The following CDH4 variants were observed in gnomAD, a reference collection of about 807,000 sequenced individuals.
CDH4 encodes the protein cadherin-4.
A neutral mutation model predicts 86.0 loss-of-function variants in CDH4; 33 were observed. That is an observed-to-expected ratio of 0.38 (90% CI 0.29 to 0.51). The LOEUF is 0.51. Among genes scored for constraint, CDH4 ranks in the 20% least tolerant of loss-of-function variants. The probability of loss-of-function intolerance (pLI) is 0.86; values close to 1 mark genes in which losing one functional copy is unlikely to be tolerated. For synonymous variants in CDH4, 555 were observed against 549.4 expected (o/e 1.01, Z -0.14); for missense variants, 1,114 against 1,307.4 (o/e 0.85, Z 2.28).
chr20:61,430,010 CAG>C (rs930569200), intron 2 of CDH4, among the ~76,000 whole-genome samples: 6 of 152,224 alleles, frequency 3.9e-5, no homozygotes, highest in Non-Finnish European at 8.8e-5. Flanking sequence ...GCCCTTAAAA[CAG>C]ATTCCTTGGC....
intron 8 of CDH4, among the ~76,000 whole-genome samples, chr20:61,909,559 T>C (rs1474739033): frequency 6.6e-6 from 1 of 152,192 alleles, no homozygotes; most frequent in African/African-American, 2.4e-5. Flanking sequence ...TTCCTGCCTC[T>C]TCCGGGTTCT....
intron 4 of CDH4, among the ~76,000 whole-genome samples, chr20:61,843,458 A>AAAAT (rs1982272846): frequency 7.2e-6 from 1 of 138,234 alleles, no homozygotes; most frequent in East Asian, 2.0e-4. Flanking sequence ...CTCCGTCTCA[A>AAAAT]AAAAAAAAAA....
intron 8 of CDH4, among the ~76,000 whole-genome samples, chr20:61,895,829 G>T (rs1009540357): frequency 6.6e-6 from 1 of 152,204 alleles, no homozygotes; most frequent in Non-Finnish European, 1.5e-5. Flanking sequence ...GGGTCCATGG[G>T]GTGTGACACG....
intron 2 of CDH4, among the ~76,000 whole-genome samples, chr20:61,293,988 G>A (rs1469239255): frequency 2.0e-5 from 3 of 152,104 alleles, no homozygotes; most frequent in African/African-American, 7.2e-5. Flanking sequence ...CTTTGTGGTC[G>A]TTTCCTTCTG....
At chr20:61,403,396 G>A (rs181951482) in intron 2 of CDH4, among the ~76,000 whole-genome samples, 50 of 152,218 alleles carry the variant, frequency 3.3e-4, no homozygotes, top group Admixed American at 7.2e-4. Flanking sequence ...CTGAGTTTGG[G>A]GGCAGCGGTG....
chr20:61,322,481 A>T (rs558122028), intron 2 of CDH4, among the ~76,000 whole-genome samples: 2 of 152,228 alleles, frequency 1.3e-5, no homozygotes, highest in South Asian at 2.1e-4. Flanking sequence ...AGAAGTCAAG[A>T]TTCTCTGTCT....
At chr20:61,769,618 C>T (rs1600968689) in intron 3 of CDH4, among the ~76,000 whole-genome samples, 2 of 152,186 alleles carry the variant, frequency 1.3e-5, no homozygotes, top group Non-Finnish European at 2.9e-5. Flanking sequence ...CTCTGCTGAA[C>T]GGGCTGCATG....
chr20:61,729,688 A>G (rs2088155575), intron 2 of CDH4, among the ~76,000 whole-genome samples: 1 of 152,198 alleles, frequency 6.6e-6, no homozygotes, highest in Admixed American at 6.5e-5. Context: ...GCCACACCGG[A>G]GAGTGTAAGG....
rs549591196 is a variant in CDH4 at position 61,379,157 on chromosome 20, A to T, written c.169+124220A>T. Among the ~76,000 whole-genome samples the T allele has an allele frequency of 2.5e-3, 387 of 152,230 alleles. 3 individuals carry two copies. Among genetic ancestry groups the T allele is most frequent in the Non-Finnish European group, 4.4e-3 (297 of 68,022 alleles). On this transcript the variant is annotated intron_variant, in intron 2 of 15. Coordinates refer to ENST00000614565, the MANE Select transcript of CDH4 (RefSeq NM_001794.5). ...GCCTGCCTGACAAGTGGTAAGTGTA[A>T]TTCCTCTTAACAGACTAACACCAGG...
chr20:61,825,407 T>C (rs1601027137), intron 4 of CDH4, among the ~76,000 whole-genome samples: 1 of 152,074 alleles, frequency 6.6e-6, no homozygotes, highest in East Asian at 1.9e-4. Context: ...GTCTCAAAAA[T>C]AAACAAAAAC....
At chr20:61,615,528 G>A (rs2086718349) in intron 2 of CDH4, among the ~76,000 whole-genome samples, 1 of 152,190 alleles carries the variant, frequency 6.6e-6, no homozygotes, top group African/African-American at 2.4e-5. Context: ...CAAGTTTCCA[G>A]CATTAATATT....
At chr20:61,342,291 G>A (rs2084653093) in intron 2 of CDH4, among the ~76,000 whole-genome samples, 1 of 152,124 alleles carries the variant, frequency 6.6e-6, no homozygotes, top group Non-Finnish European at 1.5e-5. Context: ...TCTTATTATT[G>A]CATTGTGATA....
intron 2 of CDH4, among the ~76,000 whole-genome samples, chr20:61,598,590 C>T (rs1285233767): frequency 6.6e-6 from 1 of 152,188 alleles, no homozygotes; most frequent in Non-Finnish European, 1.5e-5. Context: ...TACCCCTTTC[C>T]AGAATCGCGT....
At chr20:61,626,220 C>T (rs1028155353) in intron 2 of CDH4, among the ~76,000 whole-genome samples, 13 of 152,240 alleles carry the variant, frequency 8.5e-5, no homozygotes, top group African/African-American at 2.4e-4. Flanking sequence ...GGTCAGGGAA[C>T]GGCGGAGCAG....
chr20:61,864,008 T>C (rs1355233330), intron 6 of CDH4, among the ~76,000 whole-genome samples: 1 of 152,238 alleles, frequency 6.6e-6, no homozygotes, highest in African/African-American at 2.4e-5. Context: ...AATGTGACCT[T>C]ATTCAAAAAT....
chr20:61,565,092 T>TTGGTGGTGGTGGTGGTGGTGG (rs1555809025), intron 2 of CDH4, among the ~76,000 whole-genome samples: 3 of 63,802 alleles, frequency 4.7e-5, no homozygotes, highest in Admixed American at 1.5e-4. Flanking sequence ...GGTGGTGCTC[T>TTGGTGGTGGTGGTGGTGGTGG]TGGTGGTGCT....
chr20:61,631,906 G>T (rs756382059), intron 2 of CDH4, among the ~76,000 whole-genome samples: 2 of 152,216 alleles, frequency 1.3e-5, no homozygotes, highest in Admixed American at 1.3e-4. Flanking sequence ...ACCACAAGAC[G>T]GCGCCTCCCC....
At chr20:61,462,116 G>A (rs528330448) in intron 2 of CDH4, among the ~76,000 whole-genome samples, 1 of 152,212 alleles carries the variant, frequency 6.6e-6, no homozygotes, top group Non-Finnish European at 1.5e-5. Flanking sequence ...ACCCAGGACT[G>A]GAAGCACTGT....
At chr20:61,927,467 G>A (rs1053601856) in intron 11 of CDH4, among the ~76,000 whole-genome samples, 13 of 152,174 alleles carry the variant, frequency 8.5e-5, no homozygotes, top group African/African-American at 3.1e-4. Context: ...GGCCAGGAGG[G>A]AGCTTCCATC....
Sources: allele counts gnomAD v4.1 joint callset (sites outside exome capture counted in the v4.1 genomes callset), GRCh38; gene constraint gnomAD v4.1.1; transcripts MANE v1.5; gene names NCBI Gene and HGNC (gene_info 2026-07-23, HGNC 2026-07-21).